The following KRT8 variants were observed in gnomAD, a reference collection of about 807,000 sequenced individuals.
The protein encoded by KRT8 is keratin 8.
In KRT8, 24 loss-of-function variants were observed where a neutral mutation model predicts 43.0. The ratio of observed to expected loss-of-function variants is 0.56; its 90% CI spans 0.40 to 0.78. KRT8 has a LOEUF of 0.78. Ranked by LOEUF, KRT8 falls within the 30% of genes least tolerant of loss-of-function variation. The pLI is 0.00. For synonymous variants in KRT8, 214 were observed against 261.2 expected (o/e 0.82, Z 1.74); for missense variants, 492 against 638.4 (o/e 0.77, Z 2.47).
At chr12:52,910,613 T>C (rs1446886526), upstream of KRT8, among the ~76,000 whole-genome samples, 1 of 152,076 alleles carries the variant, frequency 6.6e-6, no homozygotes, top group Non-Finnish European at 1.5e-5. Flanking sequence ...TGACAGGAAG[T>C]GGAAGTTATT....
chr12:52,914,665 T>C (rs964294097), intron 2 of KRT8, among the ~76,000 whole-genome samples: 1 of 152,226 alleles, frequency 6.6e-6, no homozygotes, highest in Non-Finnish European at 1.5e-5. Flanking sequence ...TGATTGCAAG[T>C]GGCTGAAACC....
exon 8 of KRT8, chr12:52,897,273 G>C (rs555540459): frequency 1.3e-6 from 1 of 753,480 alleles, no homozygotes; most frequent in East Asian, 2.6e-5. Flanking sequence ...ATGGGCAAGG[G>C]GGGTCCCCAG....
chr12:52,901,838 T>G (rs768156227), intron 2 of KRT8, 26 bp downstream of exon 2: 1 of 1,540,236 alleles, frequency 6.5e-7, no homozygotes, highest in East Asian at 2.2e-5. Context: ...GTGACTTCAG[T>G]TGGGTGGAGG....
intron 1 of KRT8, among the ~76,000 whole-genome samples, chr12:52,904,092 TCTC>T (rs1254616966): frequency 1.3e-5 from 2 of 150,560 alleles, no homozygotes; most frequent in Admixed American, 6.6e-5. Context: ...CCCACTTCCT[TCTC>T]CTAGAATGCT....
At chr12:52,916,778 G>A (rs769462877) in intron 2 of KRT8, among the ~76,000 whole-genome samples, 7 of 152,200 alleles carry the variant, frequency 4.6e-5, no homozygotes, top group Non-Finnish European at 1.0e-4. Context: ...GGACAAGCCC[G>A]CCTTCTCGCA....
At chr12:52,898,684 C>T (rs1326183419) in exon 6 of KRT8, 1 of 1,614,118 alleles carries the variant, frequency 6.2e-7, no homozygotes, top group Non-Finnish European at 8.5e-7. Context: ...CCCACCGGCT[C>T]TCCTCGCCCT....
upstream of KRT8, among the ~76,000 whole-genome samples, chr12:52,910,011 A>G (rs2682298): frequency 0.74 from 112,126 of 151,914 alleles, 41,915 homozygotes; most frequent in East Asian, 0.86. Context: ...GATGCAAGCA[A>G]TCCTTCTGCC....
chr12:52,923,692 AC>A (rs1295209342), intron 2 of KRT8, among the ~76,000 whole-genome samples: 1 of 152,212 alleles, frequency 6.6e-6, no homozygotes, highest in Non-Finnish European at 1.5e-5. Flanking sequence ...TACTGGGATT[AC>A]AGGCGTGAGC....
chr12:52,903,726 G>C (rs1941434223), intron 1 of KRT8: 1 of 152,384 alleles, frequency 6.6e-6, no homozygotes, highest in Non-Finnish European at 1.5e-5. Context: ...GGCGTTGGTG[G>C]GCGACCGCGT....
rs1362652336 is a variant in KRT8 at position 52,931,187 on chromosome 12, T to C, written c.-47+18269A>G. 2.6e-5 allele frequency among the ~76,000 whole-genome samples: 4 copies of C among 151,752 alleles called. No individual in the cohort carries two copies. In the East Asian group the frequency reaches 7.8e-4, roughly 30 times the overall value. On this transcript the variant is annotated intron_variant, in intron 2 of 6. Transcript: ENST00000546826. ...GGTTCATGCCATTCTCCTGCCTCAG[T>C]CTCCCGAGTAGCTGGGACTACAGGC... is the stretch of plus-strand genomic sequence containing the variant.
At chr12:52,912,602 T>A (rs1356234581) in intron 2 of KRT8, among the ~76,000 whole-genome samples, 2 of 152,180 alleles carry the variant, frequency 1.3e-5, no homozygotes, top group Admixed American at 1.3e-4. Flanking sequence ...CCATGCCTGA[T>A]ACAGAAGACA....
intron 2 of KRT8, among the ~76,000 whole-genome samples, chr12:52,928,767 G>T (rs181798337): frequency 2.0e-5 from 3 of 152,132 alleles, no homozygotes; most frequent in Non-Finnish European, 4.4e-5. Flanking sequence ...TTAGCTGGGC[G>T]TGGTGGCAGG....
At chr12:52,899,336 C>T (rs1396798569) in intron 5 of KRT8, among the ~76,000 whole-genome samples, 1 of 151,884 alleles carries the variant, frequency 6.6e-6, no homozygotes, top group Non-Finnish European at 1.5e-5. Context: ...AATAAATAAA[C>T]GAGACTAAGG....
intron 7 of KRT8, 67 bp downstream of exon 7, chr12:52,898,394 C>CT: frequency 7.3e-7 from 1 of 1,374,324 alleles, no homozygotes; most frequent in Non-Finnish European, 1.0e-6. Flanking sequence ...GCACAGCCCC[C>CT]TCCCTGGAGC....
Position 52,898,851 on chromosome 12 carries a change from G to C in KRT8, c.1030C>G (p.Leu344Val), listed in dbSNP as rs1003152125. The change falls in exon 6 of 8, where the codon CTG (leucine) becomes GTG (valine). Residue 344 changes from leucine to valine, a missense_variant. Leu to Val is a conservative substitution (Grantham distance 32). This residue lies in a region of KRT8 where 389 missense variants were observed against 485.7 expected (regional missense o/e 0.80). Coordinates refer to ENST00000692008, the Ensembl canonical transcript of KRT8. Reference sequence around the variant, plus strand: ...TTGGCGTTGGCATCCTTAATGGCCAGCTCTCCACGCTGCTCGGCATCTGCA... The same window carrying C: ...TTGGCGTTGGCATCCTTAATGGCCACCTCTCCACGCTGCTCGGCATCTGCA... The C allele has an allele frequency of 3.1e-6, 5 of 1,613,492 alleles. No homozygotes were observed. The highest frequency in any genetic ancestry group is 3.3e-5 in the Admixed American group (2 of 59,914).
chr12:52,922,475 C>T (rs1338205714), intron 2 of KRT8, among the ~76,000 whole-genome samples: 3 of 152,180 alleles, frequency 2.0e-5, no homozygotes, highest in African/African-American at 7.2e-5. Flanking sequence ...AAGTTCAAGG[C>T]CAGCCTGGCC....
At chr12:52,904,607 C>T in intron 1 of KRT8, 51 bp downstream of exon 1, 2 of 1,548,202 alleles carry the variant, frequency 1.3e-6, no homozygotes, top group Non-Finnish European at 1.8e-6. Flanking sequence ...ACCGGGACTA[C>T]CAGGAGAAAG....
chr12:52,904,015 G>A (rs776553682), intron 1 of KRT8, among the ~76,000 whole-genome samples: 2 of 151,714 alleles, frequency 1.3e-5, no homozygotes, highest in Non-Finnish European at 2.9e-5. Flanking sequence ...CTCATTCTGT[G>A]ACCCCCGCAC....
intron 2 of KRT8, chr12:52,901,528 G>T: frequency 1.8e-6 from 1 of 552,436 alleles, no homozygotes; most frequent in South Asian, 2.1e-5. Flanking sequence ...GAGGTCAAGG[G>T]TCAAGACTAA....
Sources: allele counts gnomAD v4.1 joint callset (sites outside exome capture counted in the v4.1 genomes callset), GRCh38; gene constraint gnomAD v4.1.1; regional missense constraint gnomAD v4.1.1; transcripts MANE v1.5; gene names NCBI Gene and HGNC (gene_info 2026-07-23, HGNC 2026-07-21).